Variants in HDAC9 observed in about 807,000 individuals in gnomAD.
The protein encoded by HDAC9 is histone deacetylase 9, also known as MEF-2 interacting transcription repressor (MITR) protein.
A neutral mutation model predicts 139.4 loss-of-function variants in HDAC9; 41 were observed. The observed-to-expected ratio is 0.29, with a 90% CI of 0.23 to 0.38. The LOEUF is 0.38. Ranked by LOEUF, HDAC9 falls within the 10% of genes least tolerant of loss-of-function variation. HDAC9 has a pLI of 1.00. For missense variants in HDAC9, 1,147 were observed against 1,297.0 expected (o/e 0.88, Z 1.78); for synonymous variants, 517 against 476.2 (o/e 1.09, Z -1.12).
At chr7:18,595,721 T>A (rs1283964112) in intron 6 of HDAC9, among the ~76,000 whole-genome samples, 1 of 151,994 alleles carries the variant, frequency 6.6e-6, no homozygotes, top group Non-Finnish European at 1.5e-5. Context: ...TCCTTACCAC[T>A]GGGAGATTGA....
intron 1 of HDAC9, among the ~76,000 whole-genome samples, chr7:18,368,375 T>C (rs1457110999): frequency 6.6e-6 from 1 of 152,056 alleles, no homozygotes; most frequent in Non-Finnish European, 1.5e-5. Context: ...GTTAGCCAAG[T>C]ATCCCTGACT....
rs1831189183 is a variant in HDAC9, at chr7:18,592,194, G to A, written c.542+552G>A. ...GAGGGTAGGGAAGGGAAGTTGAGAGGTTGCTAAATAAATAACTCTAAGTCT... is the reference window on the plus strand; with the variant it reads ...GAGGGTAGGGAAGGGAAGTTGAGAGATTGCTAAATAAATAACTCTAAGTCT... On this transcript the variant is annotated intron_variant, in intron 5 of 25. Coordinates refer to ENST00000686413, the MANE Select transcript of HDAC9 (RefSeq NM_178425.4). 2.0e-5 allele frequency among the ~76,000 whole-genome samples: 3 copies of A among 151,836 alleles called. No individual in the cohort carries two copies. In the South Asian group the frequency reaches 6.2e-4, roughly 32 times the overall value.
chr7:18,233,440 G>C (rs1168181847), intron 2 of HDAC9, among the ~76,000 whole-genome samples: 2 of 134,188 alleles, frequency 1.5e-5, no homozygotes, highest in Non-Finnish European at 3.4e-5. Flanking sequence ...GGTCTTACTT[G>C]GTTTAACGGA....
At chr7:18,181,329 G>T (rs544783581) in intron 2 of HDAC9, among the ~76,000 whole-genome samples, 1 of 152,116 alleles carries the variant, frequency 6.6e-6, no homozygotes, top group Non-Finnish European at 1.5e-5. Context: ...ATAACCCACT[G>T]ATCATGCCTT....
intron 23 of HDAC9, chr7:18,949,752 A>G (rs1782662278): frequency 6.6e-6 from 1 of 152,052 alleles, no homozygotes; most frequent in Non-Finnish European, 1.5e-5. Context: ...CGTCCATCAA[A>G]TCTTCTATGG....
At chr7:18,176,133 A>G (rs937211031) in intron 2 of HDAC9, among the ~76,000 whole-genome samples, 1 of 152,220 alleles carries the variant, frequency 6.6e-6, no homozygotes. Context: ...GACATTATTC[A>G]TGAGAAAAAC....
chr7:18,741,195 C>A (rs1011884642), intron 13 of HDAC9, among the ~76,000 whole-genome samples: 1 of 152,140 alleles, frequency 6.6e-6, no homozygotes, highest in South Asian at 2.1e-4. Context: ...GATGAAAGAG[C>A]CTTTCACTGG....
At chr7:18,991,077 A>T (rs1785890092) in intron 25 of HDAC9, among the ~76,000 whole-genome samples, 1 of 152,176 alleles carries the variant, frequency 6.6e-6, no homozygotes, top group Admixed American at 6.5e-5. Flanking sequence ...CTCGATCTTT[A>T]TTCTTTTGTT....
At chr7:18,442,875 A>G (rs186518013) in intron 1 of HDAC9, among the ~76,000 whole-genome samples, 13 of 152,278 alleles carry the variant, frequency 8.5e-5, no homozygotes, top group African/African-American at 2.9e-4. Context: ...AGCTTCAAAC[A>G]GGGAAGGTGA....
intron 2 of HDAC9, among the ~76,000 whole-genome samples, chr7:18,210,636 A>G (rs1246180265): frequency 6.6e-6 from 1 of 152,156 alleles, no homozygotes; most frequent in Non-Finnish European, 1.5e-5. Flanking sequence ...GGCACTTGCT[A>G]TATTATGTGG....
At chr7:18,640,843 A>T (rs543219708) in intron 8 of HDAC9, among the ~76,000 whole-genome samples, 29 of 152,048 alleles carry the variant, frequency 1.9e-4, no homozygotes, top group Non-Finnish European at 3.8e-4. Context: ...TGATGCCCCG[A>T]GGTAGATGTC....
chr7:18,131,325 G>C (rs1194269487), intron 1 of HDAC9, among the ~76,000 whole-genome samples: 1 of 152,092 alleles, frequency 6.6e-6, no homozygotes, highest in African/African-American at 2.4e-5. Context: ...AATATTGATT[G>C]ATTGATAACT....
At chr7:18,439,513 C>T (rs1252072553) in intron 1 of HDAC9, among the ~76,000 whole-genome samples, 3 of 152,060 alleles carry the variant, frequency 2.0e-5, no homozygotes, top group Non-Finnish European at 2.9e-5. Flanking sequence ...TCCTGTGCAC[C>T]GATAATGCTA....
At chr7:18,591,765 T>TAGAGAACTGAAGGAA in intron 5 of HDAC9, 123 bp downstream of exon 5, 2 of 1,298,102 alleles carry the variant, frequency 1.5e-6, no homozygotes, top group Non-Finnish European at 2.1e-6. Flanking sequence ...GCAAGTTCCT[T>TAGAGAACTGAAGGAA]CAGTTCTCTA....
chr7:18,782,800 T>A (rs1791361045), intron 16 of HDAC9, among the ~76,000 whole-genome samples: 1 of 152,110 alleles, frequency 6.6e-6, no homozygotes, highest in South Asian at 2.1e-4. Flanking sequence ...GATTGAATGC[T>A]AACAATAATC....
intron 1 of HDAC9, among the ~76,000 whole-genome samples, chr7:18,400,851 C>T (rs761554112): frequency 6.6e-5 from 10 of 152,150 alleles, no homozygotes; most frequent in South Asian, 2.1e-4. Flanking sequence ...CTGCAAACCA[C>T]GTCTGCATTT....
At chr7:18,255,681 C>T (rs192434920) in intron 2 of HDAC9, among the ~76,000 whole-genome samples, 12 of 140,226 alleles carry the variant, frequency 8.6e-5, no homozygotes, top group Admixed American at 4.6e-4. Context: ...CAGGCGGGCG[C>T]GCGGTGACGT....
chr7:18,550,504 A>C (rs1281870074), intron 2 of HDAC9, among the ~76,000 whole-genome samples: 4 of 152,190 alleles, frequency 2.6e-5, no homozygotes, highest in African/African-American at 9.7e-5. Context: ...AGGAGACAGA[A>C]ACAAAACAGA....
intron 16 of HDAC9, among the ~76,000 whole-genome samples, chr7:18,789,647 T>C (rs1230938111): frequency 6.6e-6 from 1 of 152,166 alleles, no homozygotes; most frequent in Non-Finnish European, 1.5e-5. Flanking sequence ...GCCTGTCTTC[T>C]TATAGTTCCA....
Sources: gnomAD v4.1 joint callset for allele counts (sites outside exome capture counted in the v4.1 genomes callset) on GRCh38, gnomAD v4.1.1 for gene constraint, MANE v1.5 for transcripts, NCBI Gene and HGNC (gene_info 2026-07-23, HGNC 2026-07-21) for gene names.